The following RBMS1 variants were observed in gnomAD, a reference collection of about 807,000 sequenced individuals.
RBMS1 encodes RNA-binding motif, single-stranded-interacting protein 1.
In RBMS1, 17 loss-of-function variants were observed where a neutral mutation model predicts 62.3. The ratio of observed to expected loss-of-function variants is 0.27; its 90% CI spans 0.19 to 0.41. RBMS1 has a LOEUF of 0.41. Among genes scored for constraint, RBMS1 ranks in the 10% least tolerant of loss-of-function variants. The pLI is 1.00. For synonymous variants in RBMS1, 172 were observed against 170.0 expected, an observed-to-expected ratio of 1.01 and a Z score of -0.09; for missense variants, 334 against 504.5, an observed-to-expected ratio of 0.66 and a Z score of 3.24.
At chr2:160,446,207 C>A (rs1015578995) in intron 1 of RBMS1, among the ~76,000 whole-genome samples, 2 of 152,156 alleles carry the variant, frequency 1.3e-5, no homozygotes, top group African/African-American at 4.8e-5. Flanking sequence ...AGCAGAGGCT[C>A]CAAAAGTTAC....
intron 2 of RBMS1, among the ~76,000 whole-genome samples, chr2:160,347,754 C>CATATAT (rs1692264843): frequency 6.6e-6 from 1 of 152,078 alleles, no homozygotes; most frequent in Non-Finnish European, 1.5e-5. Flanking sequence ...TATTATGATT[C>CATATAT]ATAACATTTT....
intron 2 of RBMS1, among the ~76,000 whole-genome samples, chr2:160,324,850 C>A (rs1473104171): frequency 7.0e-6 from 1 of 142,678 alleles, no homozygotes; most frequent in East Asian, 2.0e-4. Context: ...CTATGCCAGG[C>A]ACTATTCTAA....
At chr2:160,312,495 C>A (rs948193986) in intron 4 of RBMS1, among the ~76,000 whole-genome samples, 2 of 152,130 alleles carry the variant, frequency 1.3e-5, no homozygotes, top group Non-Finnish European at 2.9e-5. Flanking sequence ...GCAAGTTACT[C>A]ACTTGAAGAA....
chr2:160,464,377 A>G (rs899218037), intron 1 of RBMS1, among the ~76,000 whole-genome samples: 1 of 152,252 alleles, frequency 6.6e-6, no homozygotes, highest in Admixed American at 6.5e-5. Context: ...GCGGAAGGAT[A>G]CATAGATTGT....
At chr2:160,388,654 G>C (rs1207880733) in intron 1 of RBMS1, among the ~76,000 whole-genome samples, 2 of 152,276 alleles carry the variant, frequency 1.3e-5, no homozygotes, top group East Asian at 3.9e-4. Flanking sequence ...GCAGGAAAAG[G>C]CGTCTCCTGG....
chr2:160,319,865 T>TTA (rs1690457948), intron 2 of RBMS1, among the ~76,000 whole-genome samples: 1 of 152,204 alleles, frequency 6.6e-6, no homozygotes, highest in African/African-American at 2.4e-5. Flanking sequence ...CTCTGTGTAA[T>TTA]CATGTAATCA....
At chr2:160,339,041 G>A (rs1691728406) in intron 2 of RBMS1, among the ~76,000 whole-genome samples, 1 of 152,164 alleles carries the variant, frequency 6.6e-6, no homozygotes, top group Admixed American at 6.6e-5. Flanking sequence ...CTATTACACA[G>A]GCAAGCAGGG....
At chr2:160,298,391 AGGAT>A (rs1689050179) in intron 6 of RBMS1, among the ~76,000 whole-genome samples, 1 of 152,206 alleles carries the variant, frequency 6.6e-6, no homozygotes, top group Non-Finnish European at 1.5e-5. Flanking sequence ...GGGAACAGCC[AGGAT>A]GAGAGATGAA....
intron 1 of RBMS1, among the ~76,000 whole-genome samples, chr2:160,427,202 G>A (rs976516250): frequency 6.6e-6 from 1 of 152,076 alleles, no homozygotes; most frequent in African/African-American, 2.4e-5. Flanking sequence ...TCCAAGTTAC[G>A]TTAATACAAC....
At chr2:160,489,289 G>C (rs1409456731) in intron 1 of RBMS1, among the ~76,000 whole-genome samples, 1 of 152,110 alleles carries the variant, frequency 6.6e-6, no homozygotes, top group East Asian at 1.9e-4. Flanking sequence ...AAGGAAATAA[G>C]GTTGATTCAT....
At chr2:160,459,928 A>G (rs1684394082) in intron 1 of RBMS1, among the ~76,000 whole-genome samples, 1 of 152,224 alleles carries the variant, frequency 6.6e-6, no homozygotes, top group South Asian at 2.1e-4. Context: ...TTCAAGCCTA[A>G]GCCTGCTGAG....
intron 2 of RBMS1, among the ~76,000 whole-genome samples, chr2:160,353,519 G>A (rs1473613709): frequency 5.3e-5 from 8 of 152,056 alleles, no homozygotes; most frequent in African/African-American, 1.7e-4. Flanking sequence ...TTATTTCTTC[G>A]AAGAGCTTGT....
Position 160,344,040 on chromosome 2 carries a change from T to C in RBMS1, c.251+23176A>G, listed in dbSNP as rs1211251675. On this transcript the variant is annotated intron_variant, in intron 2 of 13. Coordinates refer to ENST00000348849, the MANE Select transcript of RBMS1 (RefSeq NM_016836.4). Reference sequence around the variant, plus strand: ...GTTATTTTTCACTGGTGTGCAAGATTAAAGATATGAAAAGTAATTAGGAAT... The same window carrying C: ...GTTATTTTTCACTGGTGTGCAAGATCAAAGATATGAAAAGTAATTAGGAAT... Among the ~76,000 whole-genome samples the C allele has an allele frequency of 5.3e-5, 8 of 152,142 alleles. No homozygotes were observed. In the East Asian group the frequency reaches 1.5e-3, roughly 29 times the overall value.
rs189604884 is a variant in RBMS1 at position 160,361,049 on chromosome 2, T to A, written c.251+6167A>T. On this transcript the variant is annotated intron_variant, in intron 2 of 13. Coordinates refer to ENST00000348849, the MANE Select transcript of RBMS1 (RefSeq NM_016836.4). ...GCTAGATTTAATTTCACATTTCTAT[T>A]AAAGTCATATGTTTTACTGCACTTG... Among the ~76,000 whole-genome samples the A allele has an allele frequency of 1.2e-3, 178 of 152,368 alleles. 1 individual carries two copies. The highest frequency in any genetic ancestry group is 4.1e-3 in the African/African-American group (170 of 41,592).
intron 4 of RBMS1, among the ~76,000 whole-genome samples, chr2:160,305,994 T>C (rs980790954): frequency 6.6e-6 from 1 of 151,992 alleles, no homozygotes; most frequent in Admixed American, 6.5e-5. Context: ...CGAGATGTAG[T>C]GGTGCCCATC....
In RBMS1 at chr2:160,407,402, G is replaced by C. The variant is rs1424506785; in HGVS notation, c.76-40011C>G. Reference sequence around the variant, plus strand: ...CCGAGGAGGCGCGGAGCCCCTGAGCGCGGCCCCCTTTGTAACGCGGGGCTC... The same window carrying C: ...CCGAGGAGGCGCGGAGCCCCTGAGCCCGGCCCCCTTTGTAACGCGGGGCTC... On this transcript the variant is annotated intron_variant, in intron 1 of 13. Transcript: ENST00000348849. 25 of 985,690 alleles carry C rather than the reference G, an allele frequency of 2.5e-5. No individual in the cohort carries two copies. In the Admixed American group the frequency reaches 7.4e-4, roughly 29 times the overall value. 61.1% of individuals were successfully genotyped at this position (985,690 alleles called of 1,614,324 possible).
chr2:160,287,722 G>C (rs1688475458), intron 6 of RBMS1, among the ~76,000 whole-genome samples: 1 of 152,140 alleles, frequency 6.6e-6, no homozygotes, highest in Non-Finnish European at 1.5e-5. Context: ...CATCTTGGTT[G>C]CATCAGTGAA....
At chr2:160,300,272 C>T (rs1225582435) in intron 6 of RBMS1, among the ~76,000 whole-genome samples, 3 of 152,082 alleles carry the variant, frequency 2.0e-5, no homozygotes, top group Non-Finnish European at 4.4e-5. Flanking sequence ...GTGGAGTGGA[C>T]ATAAAGGCCA....
At chr2:160,385,064 CT>C (rs1362592617) in intron 1 of RBMS1, among the ~76,000 whole-genome samples, 1 of 152,172 alleles carries the variant, frequency 6.6e-6, no homozygotes, top group Non-Finnish European at 1.5e-5. Flanking sequence ...TGTAAGCTCT[CT>C]GAGGCCTGAC....
Sources: allele counts gnomAD v4.1 joint callset (sites outside exome capture counted in the v4.1 genomes callset), GRCh38; gene constraint gnomAD v4.1.1; transcripts MANE v1.5; gene names NCBI Gene and HGNC (gene_info 2026-07-23, HGNC 2026-07-21).